SAMD12: variants seen among roughly 807,000 people sequenced by gnomAD.
The protein encoded by SAMD12 is sterile alpha motif domain containing 12.
SAMD12 carries 9 observed loss-of-function variants against 15.0 expected under a neutral mutation model. The observed-to-expected ratio is 0.60, with a 90% confidence interval of 0.36 to 1.05. SAMD12 has a LOEUF of 1.05. Among genes scored for constraint, SAMD12 ranks in the 50% least tolerant of loss-of-function variants. The pLI, the probability that SAMD12 is intolerant of heterozygous loss-of-function variation, is 0.01. For missense variants in SAMD12, 230 were observed against 234.2 expected, an observed-to-expected ratio of 0.98 and a Z score of 0.12; for synonymous variants, 86 against 90.1, an observed-to-expected ratio of 0.96 and a Z score of 0.25.
intron 4 of SAMD12, among the ~76,000 whole-genome samples, chr8:118,336,737 T>C (rs67368455): frequency 0.26 from 38,937 of 152,084 alleles, 5,536 homozygotes; most frequent in African/African-American, 0.37. Context: ...GCACTATTCA[T>C]ATTAGCAAAG....
At chr8:118,391,601 AT>A (rs1358388425) in intron 3 of SAMD12, among the ~76,000 whole-genome samples, 1 of 152,218 alleles carries the variant, frequency 6.6e-6, no homozygotes, top group Non-Finnish European at 1.5e-5. Flanking sequence ...ATGTGAATCA[AT>A]TTGAGCCAGT....
intron 2 of SAMD12, among the ~76,000 whole-genome samples, chr8:118,500,257 T>C (rs903628134): frequency 6.6e-6 from 1 of 151,558 alleles, no homozygotes; most frequent in Non-Finnish European, 1.5e-5. Context: ...TTTGTATTTT[T>C]AGTAGAGACG....
At chr8:118,394,080 T>C (rs1820429032) in intron 3 of SAMD12, among the ~76,000 whole-genome samples, 1 of 152,248 alleles carries the variant, frequency 6.6e-6, no homozygotes, top group Non-Finnish European at 1.5e-5. Context: ...CTGGCATTGC[T>C]TCAGTGCTGA....
intron 1 of SAMD12, among the ~76,000 whole-genome samples, chr8:118,604,971 T>G (rs1477135821): frequency 1.3e-5 from 2 of 151,886 alleles, no homozygotes; most frequent in African/African-American, 4.8e-5. Context: ...ATGAAAATAA[T>G]CAAGTAAAAG....
At chr8:118,267,622 C>A (rs1267042505) in intron 4 of SAMD12, among the ~76,000 whole-genome samples, 1 of 151,978 alleles carries the variant, frequency 6.6e-6, no homozygotes, top group Admixed American at 6.6e-5. Flanking sequence ...GGCTTTTTAG[C>A]ACATATTTCC....
chr8:118,527,034 G>A (rs1354925214), intron 2 of SAMD12, among the ~76,000 whole-genome samples: 1 of 152,104 alleles, frequency 6.6e-6, no homozygotes, highest in Non-Finnish European at 1.5e-5. Context: ...TCTGCCAGCC[G>A]AATACTCATA....
At chr8:118,420,311 G>A (rs1264357806) in intron 3 of SAMD12, among the ~76,000 whole-genome samples, 1 of 152,122 alleles carries the variant, frequency 6.6e-6, no homozygotes, top group Non-Finnish European at 1.5e-5. Flanking sequence ...ATATATAGGA[G>A]GGTAGGAGGT....
the SAMD12 span, among the ~76,000 whole-genome samples, chr8:118,146,637 C>T: frequency 5.3e-5 from 8 of 152,072 alleles, no homozygotes; most frequent in South Asian, 2.1e-4. Flanking sequence ...GTCCATCTCC[C>T]GGTAGGAGAG....
chr8:118,584,133 C>T (rs978584725), intron 1 of SAMD12, among the ~76,000 whole-genome samples: 8 of 152,206 alleles, frequency 5.3e-5, no homozygotes, highest in East Asian at 3.8e-4. Flanking sequence ...TTTCCACACA[C>T]GTAGGCTTAT....
intron 4 of SAMD12, among the ~76,000 whole-genome samples, chr8:118,326,201 C>A (rs544940619): frequency 6.6e-6 from 1 of 152,200 alleles, no homozygotes; most frequent in Admixed American, 6.5e-5. Context: ...CTCTCTAATG[C>A]CTGCCAATCC....
intron 1 of SAMD12, among the ~76,000 whole-genome samples, chr8:118,600,149 G>C (rs1827824643): frequency 6.6e-6 from 1 of 152,168 alleles, no homozygotes; most frequent in Admixed American, 6.5e-5. Flanking sequence ...TGTGTGTTAG[G>C]TAAGAAACTT....
the SAMD12 span, among the ~76,000 whole-genome samples, chr8:118,145,025 G>A: frequency 3.3e-5 from 5 of 152,226 alleles, no homozygotes; most frequent in African/African-American, 4.8e-5. Context: ...AATGTGGCAA[G>A]TGCCAAATAA....
intron 4 of SAMD12, among the ~76,000 whole-genome samples, chr8:118,203,937 A>G (rs1417654078): frequency 6.7e-6 from 1 of 148,796 alleles, no homozygotes; most frequent in African/African-American, 2.5e-5. Context: ...GTTTGTTTCT[A>G]TTTTCTACTC....
At chr8:118,500,067 CTTTT>C (rs563321387) in intron 2 of SAMD12, among the ~76,000 whole-genome samples, 859 of 72,538 alleles carry the variant, frequency 0.012, 6 homozygotes, top group African/African-American at 0.045. Flanking sequence ...TGAGTTTTGC[CTTTT>C]TTTTTTTTTT....
intron 2 of SAMD12, among the ~76,000 whole-genome samples, chr8:118,447,730 ATTTAT>A (rs1822960065): frequency 1.4e-5 from 2 of 142,624 alleles, no homozygotes; most frequent in South Asian, 4.4e-4. Context: ...TTATTTATTT[ATTTAT>A]TTATTTTTGA....
downstream of SAMD12, among the ~76,000 whole-genome samples, chr8:118,185,933 A>G (rs1340270271): frequency 6.6e-6 from 1 of 152,138 alleles, no homozygotes; most frequent in Non-Finnish European, 1.5e-5. Flanking sequence ...GAGGGTCTGC[A>G]CACTTGCCTG....
chr8:118,534,886 G>A (rs1021592836), intron 2 of SAMD12, among the ~76,000 whole-genome samples: 19 of 152,198 alleles, frequency 1.2e-4, no homozygotes, highest in East Asian at 1.2e-3. Flanking sequence ...TGATGGGTTC[G>A]AACATCCTCC....
chr8:118,142,738 T>A, the SAMD12 span, among the ~76,000 whole-genome samples: 1 of 152,218 alleles, frequency 6.6e-6, no homozygotes, highest in African/African-American at 2.4e-5. Context: ...CATTCATGTG[T>A]CACACATTTC....
At chr8:118,136,051 CAG>C in the SAMD12 span, among the ~76,000 whole-genome samples, 2 of 150,138 alleles carry the variant, frequency 1.3e-5, no homozygotes, top group Admixed American at 6.6e-5. Flanking sequence ...TTTTTTTAGA[CAG>C]AGTCTCACTC....
Sources: allele counts gnomAD v4.1 joint callset (sites outside exome capture counted in the v4.1 genomes callset), GRCh38; gene constraint gnomAD v4.1.1; transcripts MANE v1.5; gene names NCBI Gene and HGNC (gene_info 2026-07-23, HGNC 2026-07-21).